The following ATF6 variants were observed in gnomAD, a reference collection of about 807,000 sequenced individuals.
The protein encoded by ATF6 is activating transcription factor 6, also known as cyclic AMP-dependent transcription factor ATF-6 alpha.
A neutral mutation model predicts 83.6 loss-of-function variants in ATF6; 53 were observed. The ratio of observed to expected loss-of-function variants is 0.63; its 90% CI spans 0.51 to 0.80. The LOEUF is 0.80. Among genes scored for constraint, ATF6 ranks in the 30% least tolerant of loss-of-function variants. The pLI is 0.00. For synonymous variants in ATF6, 288 were observed against 285.8 expected, an observed-to-expected ratio of 1.01 and a Z score of -0.08; for missense variants, 744 against 797.9, an observed-to-expected ratio of 0.93 and a Z score of 0.81.
At chr1:161,828,778 A>G (rs1322264370) in intron 9 of ATF6, among the ~76,000 whole-genome samples, 1 of 152,222 alleles carries the variant, frequency 6.6e-6, no homozygotes, top group Non-Finnish European at 1.5e-5. Context: ...AATGCAGTTT[A>G]GGTGGGCTTA....
intron 9 of ATF6, among the ~76,000 whole-genome samples, chr1:161,843,597 C>G (rs1190204134): frequency 6.6e-6 from 1 of 152,078 alleles, no homozygotes; most frequent in Non-Finnish European, 1.5e-5. Flanking sequence ...TTCCTTTGAG[C>G]CTTCATTTCC....
At chr1:161,916,762 T>A (rs1485558093) in intron 15 of ATF6, among the ~76,000 whole-genome samples, 4 of 152,188 alleles carry the variant, frequency 2.6e-5, no homozygotes, top group Admixed American at 2.0e-4. Context: ...ATAATGTACA[T>A]ACAATAAAAT....
intron 9 of ATF6, among the ~76,000 whole-genome samples, chr1:161,832,228 A>T (rs138580510): frequency 2.1e-4 from 32 of 152,362 alleles, no homozygotes; most frequent in African/African-American, 7.2e-4. Context: ...ATCTGGAAAT[A>T]AAAATTTAAG....
chr1:161,788,635 G>T (rs774791223), intron 4 of ATF6, among the ~76,000 whole-genome samples: 7 of 151,852 alleles, frequency 4.6e-5, no homozygotes, highest in Non-Finnish European at 8.8e-5. Flanking sequence ...GAGCACAGAG[G>T]TATTCTGCAT....
chr1:161,854,985 A>G (rs549305765), intron 12 of ATF6, among the ~76,000 whole-genome samples: 1 of 152,270 alleles, frequency 6.6e-6, no homozygotes, highest in East Asian at 1.9e-4. Context: ...ACTGGAATGC[A>G]GGGGCTGAGG....
intron 6 of ATF6, among the ~76,000 whole-genome samples, chr1:161,797,410 A>G (rs1008502659): frequency 6.6e-6 from 1 of 152,210 alleles, no homozygotes; most frequent in Admixed American, 6.5e-5. Flanking sequence ...ATGATTCTAT[A>G]CCTGGAAAAC....
At chr1:161,866,810 C>T (rs1447376278) in intron 14 of ATF6, among the ~76,000 whole-genome samples, 1 of 152,018 alleles carries the variant, frequency 6.6e-6, no homozygotes, top group Non-Finnish European at 1.5e-5. Flanking sequence ...TGCAGTGGTA[C>T]AATTATAGTT....
At chr1:161,843,999 T>C (rs778902026) in intron 9 of ATF6, among the ~76,000 whole-genome samples, 10 of 152,178 alleles carry the variant, frequency 6.6e-5, no homozygotes, top group Admixed American at 2.0e-4. Flanking sequence ...GAAGCAAAAG[T>C]AATGGTTCAA....
At chr1:161,781,683 A>G (rs969229870) in intron 2 of ATF6, among the ~76,000 whole-genome samples, 3 of 152,204 alleles carry the variant, frequency 2.0e-5, no homozygotes, top group Non-Finnish European at 4.4e-5. Flanking sequence ...TAAATACTGA[A>G]TCCCTTACCT....
intron 12 of ATF6, among the ~76,000 whole-genome samples, chr1:161,854,973 C>T (rs997679405): frequency 4.0e-5 from 6 of 151,802 alleles, no homozygotes; most frequent in South Asian, 2.1e-4. Context: ...AAGCTGAGTA[C>T]GACTGGAATG....
rs761462420 is a variant in ATF6 at position 161,807,865 on chromosome 1, C to CTTTTTTTTTTTTTTTTTTTTTT, written c.909+5604_909+5625dup. Among the ~76,000 whole-genome samples the CTTTTTTTTTTTTTTTTTTTTTT allele has an allele frequency of 1.2e-4, 4 of 32,308 alleles. 1 individual carries two copies. The highest frequency in any genetic ancestry group is 3.4e-4 in the African/African-American group (3 of 8,748). 21.2% of individuals were successfully genotyped at this position (32,308 alleles called of 152,430 possible). A position where few individuals can be genotyped will look rare whatever the true frequency, so the allele number is the denominator to read the frequency against. Reference sequence around the variant, plus strand: ...CTTTTTGTACTTTTTAGTTTGTCATCTTTTTTTTTTTTTTTTTTTTTTTTT... The same window carrying CTTTTTTTTTTTTTTTTTTTTTT: ...CTTTTTGTACTTTTTAGTTTGTCATCTTTTTTTTTTTTTTTTTTTTTTTTTTTTTTTTTTTTTTTTTTTTTTT... On this transcript the variant is annotated intron_variant, in intron 7 of 15. Coordinates refer to ENST00000367942, the MANE Select transcript of ATF6 (RefSeq NM_007348.4).
At chr1:161,878,788 A>T (rs997946587) in intron 14 of ATF6, among the ~76,000 whole-genome samples, 3 of 152,210 alleles carry the variant, frequency 2.0e-5, no homozygotes, top group Non-Finnish European at 4.4e-5. Context: ...GGATATGTCA[A>T]CATGAAAGTC....
At chr1:161,867,253 C>T (rs929638233) in intron 14 of ATF6, among the ~76,000 whole-genome samples, 2 of 151,952 alleles carry the variant, frequency 1.3e-5, no homozygotes, top group African/African-American at 4.8e-5. Context: ...CGAGATCGCG[C>T]CACTGCACTC....
At chr1:161,796,920 T>C (rs1188532608) in intron 6 of ATF6, among the ~76,000 whole-genome samples, 1 of 148,098 alleles carries the variant, frequency 6.8e-6, no homozygotes, top group Non-Finnish European at 1.5e-5. Flanking sequence ...TTCTTGTTTT[T>C]TGGTTTTTTT....
intron 9 of ATF6, among the ~76,000 whole-genome samples, chr1:161,828,835 T>A (rs1685970966): frequency 1.3e-5 from 2 of 152,312 alleles, no homozygotes; most frequent in Admixed American, 1.3e-4. Flanking sequence ...TGCAAATTCT[T>A]CTCAGAAGAG....
In ATF6 at chr1:161,961,670, T is replaced by C. The variant is rs1689103267; in HGVS notation, c.*3016T>C. 1 of 151,678 alleles carries C rather than the reference T, an allele frequency of 6.6e-6. No homozygotes were observed. Among genetic ancestry groups the C allele is most frequent in the African/African-American group, 2.4e-5 (1 of 41,252 alleles). 9.4% of individuals were successfully genotyped at this position (151,678 alleles called of 1,614,324 possible). On this transcript the variant is annotated 3_prime_UTR_variant, in exon 16 of 16. Coordinates refer to ENST00000367942, the MANE Select transcript of ATF6 (RefSeq NM_007348.4). ...TTTATTTATTAAATTTTAAACAGGA[T>C]TGTGCAAGCTTATGAGACAATTAGA...
chr1:161,920,932 C>T (rs1232452962), intron 15 of ATF6, among the ~76,000 whole-genome samples: 3 of 151,856 alleles, frequency 2.0e-5, no homozygotes, highest in Admixed American at 6.6e-5. Flanking sequence ...TAACTAGGCA[C>T]ATTATGATTT....
intron 1 of ATF6, among the ~76,000 whole-genome samples, chr1:161,776,906 G>A (rs990560977): frequency 1.3e-5 from 2 of 152,180 alleles, no homozygotes; most frequent in Non-Finnish European, 2.9e-5. Context: ...TTTATGCTGA[G>A]CCCAGGGACA....
chr1:161,832,978 C>T (rs867578239), intron 9 of ATF6, among the ~76,000 whole-genome samples: 3 of 152,202 alleles, frequency 2.0e-5, no homozygotes, highest in Non-Finnish European at 4.4e-5. Flanking sequence ...CCCTAACCCC[C>T]GAGCAGCCTA....
Sources: gnomAD v4.1 joint callset for allele counts (sites outside exome capture counted in the v4.1 genomes callset) on GRCh38, gnomAD v4.1.1 for gene constraint, MANE v1.5 for transcripts, NCBI Gene and HGNC (gene_info 2026-07-23, HGNC 2026-07-21) for gene names.